Variants in DAB1 observed in about 807,000 individuals in gnomAD.
DAB1 encodes the protein disabled homolog 1.
In DAB1, 15 loss-of-function variants were observed where a neutral mutation model predicts 64.6. The observed-to-expected ratio is 0.23, with a 90% confidence interval of 0.16 to 0.36. The LOEUF is 0.36. DAB1 is among the 10% of genes least tolerant of loss of function. The pLI, the probability that DAB1 is intolerant of heterozygous loss-of-function variation, is 1.00. For missense variants in DAB1, 596 were observed against 706.7 expected (o/e 0.84, Z 1.78); for synonymous variants, 235 against 251.9 (o/e 0.93, Z 0.64).
intron 9 of DAB1, among the ~76,000 whole-genome samples, chr1:57,048,273 A>G (rs1210169115): frequency 6.6e-6 from 1 of 152,184 alleles, no homozygotes; most frequent in African/African-American, 2.4e-5. Flanking sequence ...ACTCTATATC[A>G]AAGACAAAAG....
chr1:58,314,483 T>C (rs1472030944), intron 4 of DAB1, among the ~76,000 whole-genome samples: 2 of 152,164 alleles, frequency 1.3e-5, no homozygotes, highest in South Asian at 2.1e-4. Flanking sequence ...CCCCATGACC[T>C]TGATCCTCCC....
intron 7 of DAB1, among the ~76,000 whole-genome samples, chr1:57,549,302 T>C (rs1350425957): frequency 1.3e-5 from 2 of 152,240 alleles, no homozygotes; most frequent in East Asian, 3.9e-4. Context: ...TTCAATACCT[T>C]ACACAATGTC....
chr1:57,834,893 C>G (rs144458349), intron 1 of DAB1, among the ~76,000 whole-genome samples: 3 of 152,140 alleles, frequency 2.0e-5, no homozygotes, highest in Admixed American at 1.3e-4. Flanking sequence ...AACAGGATAA[C>G]CCAGGCCCTC....
chr1:58,290,669 G>C (rs1377077169), intron 4 of DAB1, among the ~76,000 whole-genome samples: 2 of 152,130 alleles, frequency 1.3e-5, no homozygotes, highest in Non-Finnish European at 2.9e-5. Context: ...CAGAAAAGCT[G>C]TATTCTGGTC....
At position 57,363,814 on chromosome 1, in the gene DAB1, ATTTG is replaced by A. The variant is rs571202549; in HGVS notation, c.-137+60112_-137+60115del. On this transcript the variant is annotated intron_variant, in intron 1 of 14. Transcript: ENST00000371236. The stretch of plus-strand genomic sequence containing the variant: ...ATAAGAAGTGCTAAAATCAGCTGAT[ATTTG>A]TTTGTGGCTCAGCTGTTCCACTGCA... Among the ~76,000 whole-genome samples, 199 of 152,246 alleles carry A rather than the reference ATTTG, an allele frequency of 1.3e-3. 2 individuals are homozygous for A. Among genetic ancestry groups the A allele is most frequent in the African/African-American group, 4.5e-3 (185 of 41,550 alleles).
intron 4 of DAB1, among the ~76,000 whole-genome samples, chr1:58,326,135 C>T (rs776165934): frequency 6.6e-6 from 1 of 152,176 alleles, no homozygotes; most frequent in Non-Finnish European, 1.5e-5. Context: ...CACATCACCA[C>T]ACTGCTGAAA....
intron 3 of DAB1, among the ~76,000 whole-genome samples, chr1:58,424,644 G>A (rs978968072): frequency 2.0e-5 from 3 of 152,142 alleles, no homozygotes; most frequent in Non-Finnish European, 2.9e-5. Flanking sequence ...AGGCGATACA[G>A]GGAGCAAGAC....
chr1:58,299,918 C>G (rs1662082545), intron 4 of DAB1, among the ~76,000 whole-genome samples: 1 of 152,140 alleles, frequency 6.6e-6, no homozygotes, highest in Non-Finnish European at 1.5e-5. Flanking sequence ...AGGCAAGCAA[C>G]TCTCTCCAGG....
chr1:57,717,868 A>G (rs1168891215), intron 6 of DAB1, among the ~76,000 whole-genome samples: 6 of 152,170 alleles, frequency 3.9e-5, no homozygotes, highest in Admixed American at 2.0e-4. Context: ...GAAATAACTC[A>G]TGCAAAGAAA....
chr1:58,233,499 C>T (rs183805409), intron 4 of DAB1, among the ~76,000 whole-genome samples: 17 of 152,232 alleles, frequency 1.1e-4, no homozygotes, highest in African/African-American at 2.2e-4. Flanking sequence ...GCCTGCAGTG[C>T]GAGGAGCTGG....
At position 58,333,212 on chromosome 1, in the gene DAB1, AG is replaced by A. The variant is rs1663016524; in HGVS notation, n.309+10139del. ...AGTCCCAGTTCTAAAAACGTAAGGC[AG>A]GAGCTCCTATTGGTCAAGCTTAGAG... is the stretch of plus-strand genomic sequence containing the variant. On this transcript the variant is annotated intron_variant and non_coding_transcript_variant, in intron 4 of 20. Coordinates refer to the DAB1 transcript ENST00000485760. Among the ~76,000 whole-genome samples, 3 of 152,314 alleles carry A rather than the reference AG, an allele frequency of 2.0e-5. No homozygotes were observed. The South Asian group carries it at 6.2e-4, about 32-fold the overall frequency.
At chr1:58,481,525 A>G (rs1385420065) in intron 3 of DAB1, among the ~76,000 whole-genome samples, 3 of 152,206 alleles carry the variant, frequency 2.0e-5, no homozygotes, top group Admixed American at 2.0e-4. Flanking sequence ...AAAAGGCTCT[A>G]TGAGAGATTT....
intron 1 of DAB1, among the ~76,000 whole-genome samples, chr1:57,368,239 C>G (rs1351948161): frequency 6.6e-6 from 1 of 152,158 alleles, no homozygotes; most frequent in Non-Finnish European, 1.5e-5. Flanking sequence ...TGCAGGGGGC[C>G]CCTTGGCACC....
chr1:57,040,308 A>T (rs1484656285), intron 9 of DAB1, among the ~76,000 whole-genome samples: 1 of 152,098 alleles, frequency 6.6e-6, no homozygotes, highest in Middle Eastern at 3.2e-3. Context: ...AAAAACAGAG[A>T]TGATGATATA....
rs376890097 is a variant in DAB1, at chr1:57,570,244, A to G, written n.625+79348T>C. ...GACTGGCTTAGCTTCCCAGCCTACA[A>G]TTTTCTCCCATGTTGGATGCTTCCT... On this transcript the variant is annotated intron_variant and non_coding_transcript_variant, in intron 7 of 20. Transcript: ENST00000485760. Among the ~76,000 whole-genome samples the G allele has an allele frequency of 1.1e-4, 16 of 152,140 alleles. No individual in the cohort carries two copies. The South Asian group carries it at 1.9e-3, about 18-fold the overall frequency.
intron 5 of DAB1, among the ~76,000 whole-genome samples, chr1:57,950,488 A>G (rs1444378338): frequency 6.6e-6 from 1 of 152,016 alleles, no homozygotes; most frequent in Non-Finnish European, 1.5e-5. Flanking sequence ...TCCACAGGGG[A>G]TACTTCTAAA....
intron 4 of DAB1, among the ~76,000 whole-genome samples, chr1:58,151,885 AAAC>A (rs1654958238): frequency 6.6e-6 from 1 of 152,242 alleles, no homozygotes; most frequent in Non-Finnish European, 1.5e-5. Context: ...GCAAAGAAGA[AAAC>A]AACCAACTCT....
intron 4 of DAB1, among the ~76,000 whole-genome samples, chr1:58,226,925 G>C (rs1659528416): frequency 1.3e-5 from 2 of 152,122 alleles, no homozygotes; most frequent in Admixed American, 6.6e-5. Flanking sequence ...TGTTTATTGA[G>C]AATATTTATT....
intron 5 of DAB1, among the ~76,000 whole-genome samples, chr1:58,069,113 T>C (rs1387307851): frequency 6.6e-6 from 1 of 152,226 alleles, no homozygotes; most frequent in Non-Finnish European, 1.5e-5. Flanking sequence ...TGTGCATCAC[T>C]CCACAGTACA....
Sources: gnomAD v4.1 joint callset for allele counts (sites outside exome capture counted in the v4.1 genomes callset) on GRCh38, gnomAD v4.1.1 for gene constraint, MANE v1.5 for transcripts, NCBI Gene and HGNC (gene_info 2026-07-23, HGNC 2026-07-21) for gene names.